STRAP: variants seen among roughly 807,000 people sequenced by gnomAD.
The protein encoded by STRAP is serine/threonine kinase receptor associated protein, also known as serine-threonine kinase receptor-associated protein.
In STRAP, 16 loss-of-function variants were observed where a neutral mutation model predicts 47.0. The ratio of observed to expected loss-of-function variants is 0.34; its 90% CI spans 0.23 to 0.52. STRAP has a LOEUF of 0.52. Ranked by LOEUF, STRAP falls within the 20% of genes least tolerant of loss-of-function variation. STRAP has a pLI of 0.96. For synonymous variants in STRAP, 130 were observed against 142.7 expected (o/e 0.91, Z 0.63); for missense variants, 293 against 420.0 (o/e 0.70, Z 2.64).
At chr12:15,902,885 C>CTTTTTTTTTTT (rs71042274) in intron 9 of STRAP, 32 bp from the exon 10 acceptor site, 21 of 1,102,820 alleles carry the variant, frequency 1.9e-5, no homozygotes, top group East Asian at 6.9e-5. Flanking sequence ...ACTAATGTGA[C>CTTTTTTTTTTT]TTTTTTTTTT....
Position 15,896,540 on chromosome 12 carries a change from G to T in STRAP, c.638+1044G>T, listed in dbSNP as rs1948061487. 6.6e-6 allele frequency among the ~76,000 whole-genome samples: 1 copy of T among 150,668 alleles called. No homozygotes were observed. Among genetic ancestry groups the T allele is most frequent in the Admixed American group, 6.6e-5 (1 of 15,160 alleles). ...TTATATATGTGGGTGTACAGTATTT[G>T]TGTTTTTTTTTTTAATTACTAGGAC... On this transcript the variant is annotated intron_variant, in intron 6 of 9. Transcript: ENST00000419869. The surrounding 1 kb of genome is among the most constrained non-coding windows in gnomAD (Gnocchi z 4.1).
intron 6 of STRAP, among the ~76,000 whole-genome samples, chr12:15,897,132 C>T (rs565341065): frequency 2.0e-5 from 3 of 152,142 alleles, no homozygotes; most frequent in African/African-American, 7.2e-5. Context: ...ATGTAGTGAT[C>T]CTGCATAAGT....
chr12:15,882,940 T>C, intron 1 of STRAP, 121 bp downstream of exon 1: 1 of 1,341,534 alleles, frequency 7.5e-7, no homozygotes, highest in Non-Finnish European at 1.0e-6. Context: ...TATTAACATC[T>C]GAGATGAGAG....
chr12:15,901,858 C>G (rs1948105659), intron 9 of STRAP, among the ~76,000 whole-genome samples: 1 of 63,778 alleles, frequency 1.6e-5, no homozygotes, highest in Non-Finnish European at 3.8e-5. Context: ...GAGACTCTGT[C>G]TCAAAAAAAA....
intron 9 of STRAP, among the ~76,000 whole-genome samples, chr12:15,902,452 G>A (rs1948113126): frequency 6.6e-6 from 1 of 152,146 alleles, no homozygotes; most frequent in African/African-American, 2.4e-5. Flanking sequence ...GGTTGGGAAG[G>A]TGTTTACCAT....
rs769662356 is a variant in STRAP, at chr12:15,893,596, CAAT to C, written c.404-446_404-444del. ...TATACAATAATGCTTTTATATTATA[CAAT>C]AATATTTGTATTATTGTACAAATAA... On this transcript the variant is annotated intron_variant, in intron 4 of 9. Coordinates refer to ENST00000419869, the MANE Select transcript of STRAP (RefSeq NM_007178.4). 6.1e-3 allele frequency among the ~76,000 whole-genome samples: 860 copies of C among 141,616 alleles called. 5 individuals are homozygous for C. The highest frequency in any genetic ancestry group is 0.011 in the Non-Finnish European group (693 of 65,604). 92.9% of individuals were successfully genotyped at this position (141,616 alleles called of 152,430 possible).
chr12:15,890,207 A>G lies in STRAP; in HGVS notation c.330+198A>G, dbSNP rs994406646. ...TAGTTAATCCTGTCAAGCTTTTAAG[A>G]TACTGTGGAACGAGTACCAGTCCTT... On this transcript the variant is annotated intron_variant, in intron 3 of 9. Transcript: ENST00000419869. This position sits in a 1 kb window ranked among gnomAD's most constrained non-coding sequence, Gnocchi z 4.5. Among the ~76,000 whole-genome samples the G allele has an allele frequency of 3.3e-5, 5 of 152,204 alleles. No homozygotes were observed. Among genetic ancestry groups the G allele is most frequent in the Non-Finnish European group, 7.3e-5 (5 of 68,038 alleles).
At chr12:15,897,697 G>A (rs1345535509) in intron 6 of STRAP, among the ~76,000 whole-genome samples, 185 bp from the exon 7 acceptor site, 5 of 150,978 alleles carry the variant, frequency 3.3e-5, no homozygotes, top group African/African-American at 1.2e-4. Flanking sequence ...CTCCACTTGG[G>A]CATAGTATCC....
chr12:15,886,331 C>T (rs1000658261), intron 2 of STRAP, among the ~76,000 whole-genome samples: 2 of 151,976 alleles, frequency 1.3e-5, no homozygotes, highest in Admixed American at 1.3e-4. Context: ...TGACCACAGG[C>T]GTGTACTACC....
Position 15,890,460 on chromosome 12 carries a change from C to G in STRAP, c.331-137C>G. On this transcript the variant is annotated intron_variant, in intron 3 of 9. Coordinates refer to ENST00000419869, the MANE Select transcript of STRAP (RefSeq NM_007178.4). This position sits in a 1 kb window ranked among gnomAD's most constrained non-coding sequence, Gnocchi z 4.5. The stretch of plus-strand genomic sequence containing the variant: ...GGTCAGCTGTTCCACAGTATCTTCT[C>G]AGAAGTAATTGGTTATGTCTTGGCA... 1.4e-6 allele frequency: 1 copy of G among 730,236 alleles called. No individual in the cohort carries two copies. Among genetic ancestry groups the G allele is most frequent in the Non-Finnish European group, 2.4e-6 (1 of 425,064 alleles). The allele number at this position is 730,236 out of a possible 1,614,324, so 45.2% of individuals were successfully genotyped here. A position where few individuals can be genotyped will look rare whatever the true frequency, so the allele number is the denominator to read the frequency against.
chr12:15,883,709 T>C (rs1947943406), intron 2 of STRAP, 33 bp downstream of exon 2: 1 of 1,608,020 alleles, frequency 6.2e-7, no homozygotes, highest in Non-Finnish European at 8.5e-7. Flanking sequence ...ACTTTGGTGT[T>C]CTCTGTAGCT....
In STRAP at chr12:15,882,786, C is replaced by T; in HGVS notation, c.79C>T (p.Pro27Ser). The T allele has an allele frequency of 6.2e-7, 1 of 1,613,812 alleles. No homozygotes were observed. Residue 27 changes from proline to serine, a missense_variant, in exon 1 of 10, where the codon CCT becomes TCT. Physicochemically the swap from Pro to Ser is moderately conservative, Grantham distance 74 (BLOSUM62 -1). Transcript: ENST00000419869. ...TGATTTGGCCTTCAGTGGCATCACG[C>T]CTTATGGGTATTTCTTAATCAGCGC... ...VVDLAFSGIT[P>S]YGYFLISACK...
rs1947927580 is a variant in STRAP, at chr12:15,882,406, T to C, written c.-302T>C. ...CATTTACGTCGTCACTTCCTGCCGA[T>C]GCCGGTGTGGACGCTGTGAATCGTG... On this transcript the variant is annotated 5_prime_UTR_variant, in exon 1 of 10. An upstream start codon of the reference 5' UTR is lost. Transcript: ENST00000419869. 2.2e-6 allele frequency: 1 copy of C among 449,842 alleles called. No individual in the cohort carries two copies. Among genetic ancestry groups the C allele is most frequent in the Non-Finnish European group, 4.0e-6 (1 of 247,530 alleles). 27.9% of individuals were successfully genotyped at this position (449,842 alleles called of 1,614,324 possible).
chr12:15,888,056 AT>A (rs1164050495), intron 2 of STRAP, among the ~76,000 whole-genome samples: 2 of 152,224 alleles, frequency 1.3e-5, no homozygotes, highest in African/African-American at 4.8e-5. Flanking sequence ...GATTAAGGAT[AT>A]ATGTAAACAA....
intron 2 of STRAP, among the ~76,000 whole-genome samples, chr12:15,884,066 A>G (rs1247904886): frequency 6.6e-6 from 1 of 152,210 alleles, no homozygotes; most frequent in Non-Finnish European, 1.5e-5. Flanking sequence ...TTTAGGCATC[A>G]TTAAAACTCA....
At position 15,890,700 on chromosome 12, in the gene STRAP, TTTA is replaced by T. The variant is rs1948007874; in HGVS notation, c.403+34_403+36del. ...CATAATTTAAACATCAGCTTCTAGT[TTTA>T]TTTTCTTTTAATTTAAATAACTGAT... On this transcript the variant is annotated intron_variant, in intron 4 of 9. Coordinates refer to ENST00000419869, the MANE Select transcript of STRAP (RefSeq NM_007178.4). This position sits in a 1 kb window ranked among gnomAD's most constrained non-coding sequence, Gnocchi z 4.5. 6.6e-6 allele frequency: 10 copies of T among 1,515,684 alleles called. No individual in the cohort carries two copies. The highest frequency in any genetic ancestry group is 7.2e-6 in the Non-Finnish European group (8 of 1,110,830). 93.9% of individuals were successfully genotyped at this position (1,515,684 alleles called of 1,614,324 possible). A position where few individuals can be genotyped will look rare whatever the true frequency, so the allele number is the denominator to read the frequency against.
chr12:15,895,223 A>T (rs1022868191), intron 5 of STRAP, 136 bp from the exon 6 acceptor site: 38 of 691,034 alleles, frequency 5.5e-5, no homozygotes, highest in Non-Finnish European at 7.7e-5. Flanking sequence ...AATCATCTGT[A>T]ATTTGTGACT....
Position 15,902,941 on chromosome 12 carries a change from A to G in STRAP, c.1016A>G (p.Asp339Gly), listed in dbSNP as rs1234150249. 2.0e-6 allele frequency: 3 copies of G among 1,507,672 alleles called. No homozygotes were observed. Among genetic ancestry groups the G allele is most frequent in the Admixed American group, 2.0e-5 (1 of 48,822 alleles). The allele number at this position is 1,507,672 out of a possible 1,614,324, so 93.4% of individuals were successfully genotyped here. Reference sequence around the variant, plus strand: ...GAAGAAATTGCTTCAGAGAATTCAGATTGCATCTTTCCTTCAGCTCCTGAT... The same window carrying G: ...GAAGAAATTGCTTCAGAGAATTCAGGTTGCATCTTTCCTTCAGCTCCTGAT... ...ELEEIASENS[D>G]CIFPSAPDVK... The change falls in exon 10 of 10, where the codon GAT becomes GGT. Residue 339 changes from aspartate to glycine, a missense_variant. Asp to Gly is a moderately conservative substitution (Grantham distance 94). Coordinates refer to ENST00000419869, the MANE Select transcript of STRAP (RefSeq NM_007178.4).
At chr12:15,897,762 T>C in intron 6 of STRAP, 120 bp from the exon 7 acceptor site, 1 of 641,436 alleles carries the variant, frequency 1.6e-6, no homozygotes, top group Non-Finnish European at 2.4e-6. Context: ...TCAGTGTTTA[T>C]GTTTGAGTAA....
Sources: allele counts gnomAD v4.1 joint callset (sites outside exome capture counted in the v4.1 genomes callset), GRCh38; gene constraint gnomAD v4.1.1; non-coding constraint Gnocchi (gnomAD v3.1); transcripts MANE v1.5; gene names NCBI Gene and HGNC (gene_info 2026-07-23, HGNC 2026-07-21).